PAX3: variants seen among roughly 807,000 people sequenced by gnomAD.
PAX3 encodes paired box 3, also known as paired box protein Pax-3.
A neutral mutation model predicts 51.6 loss-of-function variants in PAX3; 14 were observed. The observed-to-expected ratio is 0.27, with a 90% confidence interval of 0.18 to 0.42. PAX3 has a LOEUF of 0.42. Ranked by LOEUF, PAX3 falls within the 10% of genes least tolerant of loss-of-function variation. The pLI is 1.00. For synonymous variants in PAX3, 280 were observed against 253.4 expected (o/e 1.11, Z -1.00); for missense variants, 540 against 642.8 (o/e 0.84, Z 1.73).
chr2:222,298,479 C>A, intron 1 of PAX3, 52 bp downstream of exon 1: 1 of 1,462,016 alleles, frequency 6.8e-7, no homozygotes, highest in South Asian at 1.2e-5. Flanking sequence ...TGGGGTGAGG[C>A]AGCCGGTCCC....
At chr2:222,208,741 T>C (rs1691608180) in intron 7 of PAX3, among the ~76,000 whole-genome samples, 1 of 152,188 alleles carries the variant, frequency 6.6e-6, no homozygotes, top group Non-Finnish European at 1.5e-5. Flanking sequence ...TGTATCTTGG[T>C]TTCATTTCAT....
At chr2:222,242,136 T>G (rs1693038855) in intron 4 of PAX3, among the ~76,000 whole-genome samples, 1 of 152,282 alleles carries the variant, frequency 6.6e-6, no homozygotes, top group African/African-American at 2.4e-5. Flanking sequence ...AAGACTAGTT[T>G]TATGAGGGGA....
At chr2:222,222,908 T>C (rs1692252868) in intron 5 of PAX3, among the ~76,000 whole-genome samples, 1 of 152,130 alleles carries the variant, frequency 6.6e-6, no homozygotes. Flanking sequence ...TTTCAGCTCA[T>C]TTTAAAATTT....
intron 4 of PAX3, among the ~76,000 whole-genome samples, chr2:222,246,998 T>C (rs1398094818): frequency 1.3e-5 from 2 of 152,220 alleles, no homozygotes; most frequent in Non-Finnish European, 2.9e-5. Context: ...CTCATTGTCT[T>C]TGTATAACTC....
intron 7 of PAX3, chr2:222,214,368 A>G (rs1417791690): frequency 6.6e-6 from 1 of 152,178 alleles, no homozygotes. Context: ...GCTGACACCA[A>G]ATATGCAATT....
intron 4 of PAX3, among the ~76,000 whole-genome samples, chr2:222,279,661 G>A (rs546834580): frequency 6.6e-6 from 1 of 152,240 alleles, no homozygotes; most frequent in South Asian, 2.1e-4. Context: ...AAATTTCAAT[G>A]TGAAAGATAG....
intron 5 of PAX3, among the ~76,000 whole-genome samples, chr2:222,222,234 A>T (rs1417057302): frequency 6.6e-6 from 1 of 152,092 alleles, no homozygotes; most frequent in Non-Finnish European, 1.5e-5. Context: ...AGAAATTGTG[A>T]TATAAGGCCT....
intron 4 of PAX3, among the ~76,000 whole-genome samples, chr2:222,289,073 G>A (rs1209305330): frequency 3.3e-5 from 5 of 152,244 alleles, no homozygotes; most frequent in African/African-American, 4.8e-5. Flanking sequence ...CAGCCAGTGA[G>A]ATAAGACATT....
chr2:222,210,377 T>C (rs1691678746), intron 7 of PAX3, among the ~76,000 whole-genome samples: 1 of 152,204 alleles, frequency 6.6e-6, no homozygotes, highest in Admixed American at 6.5e-5. Context: ...CATCACTGCA[T>C]ATCAGATTCC....
intron 4 of PAX3, among the ~76,000 whole-genome samples, chr2:222,242,023 A>G (rs1364983796): frequency 3.3e-5 from 5 of 152,260 alleles, no homozygotes; most frequent in Admixed American, 2.0e-4. Context: ...ACAAAAAATA[A>G]GCAGATTAAA....
rs1559292854 is a variant in PAX3 at position 222,260,581 on chromosome 2, T to G, written c.587-28298A>C. 4.3e-3 allele frequency among the ~76,000 whole-genome samples: 242 copies of G among 56,620 alleles called. 2 individuals carry two copies. Among genetic ancestry groups the G allele is most frequent in the South Asian group, 0.014 (20 of 1,432 alleles). The allele number at this position is 56,620 out of a possible 152,430, so 37.1% of individuals were successfully genotyped here. ...TTTTTTTTTGTTTTTTTTTTTTGTTTTTTTTTTTTGTTTTTTTTTTTTTTT... is the reference window on the plus strand; with the variant it reads ...TTTTTTTTTGTTTTTTTTTTTTGTTGTTTTTTTTTGTTTTTTTTTTTTTTT... On this transcript the variant is annotated intron_variant, in intron 4 of 8. Transcript: ENST00000392070.
chr2:222,239,219 G>C (rs1329960854), intron 4 of PAX3, among the ~76,000 whole-genome samples: 4 of 152,176 alleles, frequency 2.6e-5, no homozygotes, highest in African/African-American at 9.7e-5. Context: ...TCCATCTGTG[G>C]AATCCATCAG....
At chr2:222,206,977 A>C (rs1013850037) in intron 7 of PAX3, among the ~76,000 whole-genome samples, 2 of 152,128 alleles carry the variant, frequency 1.3e-5, no homozygotes, top group African/African-American at 4.8e-5. Context: ...TTAACATTTA[A>C]CATACACATT....
chr2:222,248,741 G>A (rs974633630), intron 4 of PAX3, among the ~76,000 whole-genome samples: 1 of 152,130 alleles, frequency 6.6e-6, no homozygotes, highest in African/African-American at 2.4e-5. Flanking sequence ...CAGGTTTTGA[G>A]GGAGCTTGGT....
intron 4 of PAX3, among the ~76,000 whole-genome samples, chr2:222,245,157 A>C (rs1418055710): frequency 6.6e-6 from 1 of 152,202 alleles, no homozygotes; most frequent in Non-Finnish European, 1.5e-5. Flanking sequence ...AAAAAAGAAA[A>C]AGAAAAGAAA....
intron 5 of PAX3, among the ~76,000 whole-genome samples, chr2:222,222,120 T>A (rs1294601224): frequency 6.6e-6 from 1 of 152,104 alleles, no homozygotes; most frequent in Non-Finnish European, 1.5e-5. Flanking sequence ...TACAATATAA[T>A]AAAATGCCCT....
At chr2:222,228,830 T>C (rs1692477455) in intron 5 of PAX3, among the ~76,000 whole-genome samples, 2 of 152,076 alleles carry the variant, frequency 1.3e-5, no homozygotes, top group South Asian at 2.1e-4. Context: ...ACCCAGCTAC[T>C]CTGGAAGCTG....
intron 4 of PAX3, among the ~76,000 whole-genome samples, chr2:222,262,359 A>G (rs558259049): frequency 2.0e-5 from 3 of 152,298 alleles, no homozygotes; most frequent in Non-Finnish European, 4.4e-5. Context: ...AAAAAGCATG[A>G]CAATTCTATT....
chr2:222,293,913 A>G (rs536485353), intron 4 of PAX3: 1 of 1,537,398 alleles, frequency 6.5e-7, no homozygotes, highest in African/African-American at 1.7e-5. Flanking sequence ...ACAGTTCTAG[A>G]ATCCCAGGGG....
Sources: gnomAD v4.1 joint callset for allele counts (sites outside exome capture counted in the v4.1 genomes callset) on GRCh38, gnomAD v4.1.1 for gene constraint, MANE v1.5 for transcripts, NCBI Gene and HGNC (gene_info 2026-07-23, HGNC 2026-07-21) for gene names.